Variants in JAKMIP1 observed in about 807,000 individuals in gnomAD.
The protein encoded by JAKMIP1 is janus kinase and microtubule-interacting protein 1.
In JAKMIP1, 33 loss-of-function variants were observed where a neutral mutation model predicts 113.0. The observed-to-expected ratio is 0.29, with a 90% CI of 0.22 to 0.39. The LOEUF (loss-of-function observed/expected upper bound fraction) is 0.39, where lower values mean the gene tolerates loss of function less well. Ranked by LOEUF, JAKMIP1 falls within the 10% of genes least tolerant of loss-of-function variation. The probability of loss-of-function intolerance (pLI) is 1.00; values close to 1 mark genes in which losing one functional copy is unlikely to be tolerated. For missense variants in JAKMIP1, 813 were observed against 1,080.5 expected (o/e 0.75, Z 3.47); for synonymous variants, 480 against 459.9 (o/e 1.04, Z -0.56).
rs1479671809 is a variant in JAKMIP1 at position 6,154,694 on chromosome 4, C to G, written c.-147-41697G>C. On this transcript the variant is annotated intron_variant, in intron 1 of 20. Transcript: ENST00000409021. The surrounding 1 kb of genome is among the most constrained non-coding windows in gnomAD (Gnocchi z 4.2). The stretch of plus-strand genomic sequence containing the variant: ...ATGGAATTCTTTTCAATCCGGCCCG[C>G]TGAACCCCTCTTTCAGTTTACTTAC... Among the ~76,000 whole-genome samples the G allele has an allele frequency of 6.6e-6, 1 of 152,028 alleles. No homozygotes were observed. Among genetic ancestry groups the G allele is most frequent in the Non-Finnish European group, 1.5e-5 (1 of 68,016 alleles).
At position 6,069,610 on chromosome 4, in the gene JAKMIP1, G is replaced by C. The variant is rs963022209; in HGVS notation, c.1303-4602C>G. 3.9e-5 allele frequency among the ~76,000 whole-genome samples: 6 copies of C among 152,102 alleles called. No individual in the cohort carries two copies. The highest frequency in any genetic ancestry group is 5.9e-5 in the Non-Finnish European group (4 of 68,018). ...CAAAAAGTTATTTAAAAAGTTAGCC[G>C]AGTATGGTGGCTGACGCCTGTAGTC... On this transcript the variant is annotated intron_variant, in intron 8 of 20. Coordinates refer to ENST00000409021, the MANE Select transcript of JAKMIP1 (RefSeq NM_001099433.2). The surrounding 1 kb of genome is among the most constrained non-coding windows in gnomAD (Gnocchi z 4.5).
chr4:6,073,236 G>C (rs3901457), intron 8 of JAKMIP1, among the ~76,000 whole-genome samples: 73,419 of 151,908 alleles, frequency 0.48, 20,931 homozygotes, highest in Non-Finnish European at 0.66. Flanking sequence ...AGGGGCGTGG[G>C]GCTAGGAGTC....
intron 1 of JAKMIP1, among the ~76,000 whole-genome samples, chr4:6,161,110 A>G (rs1722881127): frequency 7.5e-6 from 1 of 133,612 alleles, no homozygotes; most frequent in African/African-American, 3.0e-5. Context: ...ACCTCCTCTG[A>G]TCTCCACTCA....
In JAKMIP1 at chr4:6,185,129, C is replaced by T. The variant is rs963708402; in HGVS notation, c.-148+15124G>A. 1.3e-5 allele frequency among the ~76,000 whole-genome samples: 2 copies of T among 152,212 alleles called. No individual in the cohort carries two copies. The highest frequency in any genetic ancestry group is 2.4e-5 in the African/African-American group (1 of 41,458). On this transcript the variant is annotated intron_variant, in intron 1 of 20. Coordinates refer to ENST00000409021, the MANE Select transcript of JAKMIP1 (RefSeq NM_001099433.2). The surrounding 1 kb of genome is among the most constrained non-coding windows in gnomAD (Gnocchi z 5.3). ...TCCTTACTTTTGAGGTTTTGGGACT[C>T]GAACTGGCTTCCTTGCTCCTCAGCT...
In JAKMIP1 at chr4:6,197,139, G is replaced by T. The variant is rs1298758379; in HGVS notation, c.-148+3114C>A. Among the ~76,000 whole-genome samples the T allele has an allele frequency of 6.6e-6, 1 of 152,140 alleles. No homozygotes were observed. Among genetic ancestry groups the T allele is most frequent in the African/African-American group, 2.4e-5 (1 of 41,432 alleles). On this transcript the variant is annotated intron_variant, in intron 1 of 20. Transcript: ENST00000409021. This position sits in a 1 kb window ranked among gnomAD's most constrained non-coding sequence, Gnocchi z 6.5. ...TTAAGTGCTGATATTTCCTTACGTG[G>T]CCCTCATTCCCCTTATCCAGACAAA... is the stretch of plus-strand genomic sequence containing the variant.
intron 20 of JAKMIP1, among the ~76,000 whole-genome samples, chr4:6,027,042 T>C (rs1272574177): frequency 6.6e-6 from 1 of 151,914 alleles, no homozygotes; most frequent in East Asian, 1.9e-4. Flanking sequence ...TTAAAATCTT[T>C]TGTGCCATTT....
rs1323703341 is a variant in JAKMIP1 at position 6,089,909 on chromosome 4, C to T, written c.625-4280G>A. On this transcript the variant is annotated intron_variant, in intron 3 of 20. Transcript: ENST00000409021. This position sits in a 1 kb window ranked among gnomAD's most constrained non-coding sequence, Gnocchi z 5.3. ...TGCAAATTAAGATGAGGTTATACCA[C>T]GTTAGGGTGGACCCTAAACCCACTG... 3.3e-5 allele frequency among the ~76,000 whole-genome samples: 5 copies of T among 152,278 alleles called. No individual in the cohort carries two copies. The South Asian group carries it at 1.0e-3, about 32-fold the overall frequency.
chr4:6,060,801 G>T (rs1717168770), intron 10 of JAKMIP1, among the ~76,000 whole-genome samples: 1 of 152,232 alleles, frequency 6.6e-6, no homozygotes, highest in Non-Finnish European at 1.5e-5. Flanking sequence ...TTTGAAGGGG[G>T]TGAGTGAGCC....
intron 3 of JAKMIP1, among the ~76,000 whole-genome samples, chr4:6,091,837 G>A (rs1722102500): frequency 6.6e-6 from 1 of 152,170 alleles, no homozygotes; most frequent in African/African-American, 2.4e-5. Flanking sequence ...CACCAACTGT[G>A]GGACCCAGGC....
intron 8 of JAKMIP1, among the ~76,000 whole-genome samples, chr4:6,068,360 T>A (rs926217755): frequency 4.3e-4 from 66 of 152,178 alleles, no homozygotes; most frequent in African/African-American, 1.5e-3. Flanking sequence ...TCCACAGAAC[T>A]ATGCTGCTTT....
At chr4:6,131,017 C>T (rs6446464) in intron 1 of JAKMIP1, among the ~76,000 whole-genome samples, 149,915 of 151,984 alleles carry the variant, frequency 0.99, 73,978 homozygotes, top group East Asian at 1. Flanking sequence ...CTACAAAAAA[C>T]ACAAAACTTA....
At position 6,089,957 on chromosome 4, in the gene JAKMIP1, G is replaced by A. The variant is rs1358483965; in HGVS notation, c.625-4328C>T. The stretch of plus-strand genomic sequence containing the variant: ...CTGACTGGCATCCTTAAAAGAAGAG[G>A]ACACCTGTAATCCCAGCACTTTGGG... On this transcript the variant is annotated intron_variant, in intron 3 of 20. Coordinates refer to ENST00000409021, the MANE Select transcript of JAKMIP1 (RefSeq NM_001099433.2). This position sits in a 1 kb window ranked among gnomAD's most constrained non-coding sequence, Gnocchi z 5.3. Among the ~76,000 whole-genome samples, 11 of 152,122 alleles carry A rather than the reference G, an allele frequency of 7.2e-5. No homozygotes were observed. Among genetic ancestry groups the A allele is most frequent in the Non-Finnish European group, 1.5e-4 (10 of 68,030 alleles).
intron 1 of JAKMIP1, among the ~76,000 whole-genome samples, chr4:6,196,222 C>T (rs565777851): frequency 1.3e-5 from 2 of 152,102 alleles, no homozygotes; most frequent in Non-Finnish European, 1.5e-5. Flanking sequence ...TGGCAAAAAC[C>T]GTGATTATTT....
At chr4:6,117,144 G>A (rs1287665292) in intron 1 of JAKMIP1, among the ~76,000 whole-genome samples, 2 of 152,214 alleles carry the variant, frequency 1.3e-5, no homozygotes, top group Admixed American at 6.5e-5. Flanking sequence ...CTCTGAGCAT[G>A]CTGGGAAGCC....
rs373295782 is a variant in JAKMIP1, at chr4:6,183,665, T to C, written c.-148+16588A>G. On this transcript the variant is annotated intron_variant, in intron 1 of 20. Coordinates refer to ENST00000409021, the MANE Select transcript of JAKMIP1 (RefSeq NM_001099433.2). This position sits in a 1 kb window ranked among gnomAD's most constrained non-coding sequence, Gnocchi z 5.3. The stretch of plus-strand genomic sequence containing the variant: ...AGCAACAGATGCTTGACTTCTTTTT[T>C]CTAGGTGTAATAATTTTAAACTGTG... Among the ~76,000 whole-genome samples, 221 of 152,166 alleles carry C rather than the reference T, an allele frequency of 1.5e-3. No homozygotes were observed. Among genetic ancestry groups the C allele is most frequent in the African/African-American group, 4.6e-3 (191 of 41,502 alleles).
chr4:6,129,304 G>A lies in JAKMIP1; in HGVS notation c.-147-16307C>T, dbSNP rs775874187. On this transcript the variant is annotated intron_variant, in intron 1 of 20. Coordinates refer to ENST00000409021, the MANE Select transcript of JAKMIP1 (RefSeq NM_001099433.2). The surrounding 1 kb of genome is among the most constrained non-coding windows in gnomAD (Gnocchi z 5.4). ...GCACATGTGTGGTCAGATGCTGGGC[G>A]TGGCCCCACCCCATGCCAGCCAGGA... Among the ~76,000 whole-genome samples the A allele has an allele frequency of 7.2e-5, 11 of 152,308 alleles. No individual in the cohort carries two copies. Among genetic ancestry groups the A allele is most frequent in the Non-Finnish European group, 1.2e-4 (8 of 68,020 alleles).
chr4:6,085,721 C>A, intron 3 of JAKMIP1, 92 bp from the exon 4 acceptor site: 1 of 1,176,026 alleles, frequency 8.5e-7, no homozygotes, highest in South Asian at 1.3e-5. Flanking sequence ...AGGGAAAGGT[C>A]AAAGCAGTGT....
chr4:6,036,651 C>G (rs1713483921), intron 18 of JAKMIP1, among the ~76,000 whole-genome samples: 1 of 152,198 alleles, frequency 6.6e-6, no homozygotes, highest in Non-Finnish European at 1.5e-5. Flanking sequence ...CTGAATGAGG[C>G]ATTAGTGACC....
At position 6,122,682 on chromosome 4, in the gene JAKMIP1, G is replaced by A. The variant is rs148672151; in HGVS notation, c.-147-9685C>T. Among the ~76,000 whole-genome samples, 318 of 152,310 alleles carry A rather than the reference G, an allele frequency of 2.1e-3. 2 individuals carry two copies. Among genetic ancestry groups the A allele is most frequent in the Non-Finnish European group, 3.6e-3 (247 of 68,022 alleles). ...GCGGGAGACGTCAGTTCATACCCCTGAACTGTTGTTTCGTCAGCTGCAAAG... is the reference window on the plus strand; with the variant it reads ...GCGGGAGACGTCAGTTCATACCCCTAAACTGTTGTTTCGTCAGCTGCAAAG... On this transcript the variant is annotated intron_variant, in intron 1 of 20. Transcript: ENST00000409021.
Sources: allele counts gnomAD v4.1 joint callset (sites outside exome capture counted in the v4.1 genomes callset), GRCh38; gene constraint gnomAD v4.1.1; non-coding constraint Gnocchi (gnomAD v3.1); transcripts MANE v1.5; gene names NCBI Gene and HGNC (gene_info 2026-07-23, HGNC 2026-07-21).